Variants in AFF3 observed in about 807,000 individuals in gnomAD.
AFF3 encodes AF4/FMR2 family member 3.
In AFF3, 32 loss-of-function variants were observed where a neutral mutation model predicts 129.7. The ratio of observed to expected loss-of-function variants is 0.25; its 90% CI spans 0.19 to 0.33. The LOEUF (loss-of-function observed/expected upper bound fraction) is 0.33. Ranked by LOEUF, AFF3 falls within the 10% of genes least tolerant of loss-of-function variation. The pLI, the probability that AFF3 is intolerant of heterozygous loss-of-function variation, is 1.00. For synonymous variants in AFF3, 644 were observed against 635.4 expected, an observed-to-expected ratio of 1.01 and a Z score of -0.20; for missense variants, 1,373 against 1,592.0, an observed-to-expected ratio of 0.86 and a Z score of 2.34.
intron 11 of AFF3, among the ~76,000 whole-genome samples, chr2:99,700,282 G>A (rs954683685): frequency 6.6e-6 from 1 of 152,108 alleles, no homozygotes; most frequent in African/African-American, 2.4e-5. Flanking sequence ...CACCATGCCC[G>A]GCTAATTTTT....
At chr2:99,998,291 AG>A (rs1030046038) in intron 7 of AFF3, among the ~76,000 whole-genome samples, 3 of 152,234 alleles carry the variant, frequency 2.0e-5, no homozygotes, top group Non-Finnish European at 4.4e-5. Flanking sequence ...CATCAGCATA[AG>A]GGTCAGAGTT....
At chr2:100,103,640 A>C (rs941129943) in intron 4 of AFF3, among the ~76,000 whole-genome samples, 3 of 151,990 alleles carry the variant, frequency 2.0e-5, no homozygotes, top group African/African-American at 7.2e-5. Context: ...GCAGCTCCCC[A>C]GTGTGAGATC....
chr2:99,727,063 T>C lies in AFF3; in HGVS notation c.1091+14A>G, dbSNP rs769965393. The C allele has an allele frequency of 3.4e-5, 55 of 1,598,922 alleles. No individual in the cohort carries two copies. Among genetic ancestry groups the C allele is most frequent in the Non-Finnish European group, 4.3e-5 (51 of 1,172,578 alleles). On this transcript the variant is annotated intron_variant, in intron 11 of 24. Coordinates refer to ENST00000672756, the MANE Select transcript of AFF3 (RefSeq NM_001386135.1). Reference sequence around the variant, plus strand: ...AAGAACAGGCATCTCTGATAGAAAATGAAAGAAACTTACGATGTATTCGAT... The same window carrying C: ...AAGAACAGGCATCTCTGATAGAAAACGAAAGAAACTTACGATGTATTCGAT...
intron 7 of AFF3, among the ~76,000 whole-genome samples, chr2:99,908,112 T>C (rs1450567062): frequency 6.6e-6 from 1 of 152,244 alleles, no homozygotes; most frequent in Non-Finnish European, 1.5e-5. Flanking sequence ...TCCTGCCTAT[T>C]GGTCTAAACC....
intron 8 of AFF3, among the ~76,000 whole-genome samples, chr2:99,767,078 A>G (rs569804114): frequency 1.8e-4 from 27 of 152,356 alleles, no homozygotes; most frequent in African/African-American, 6.0e-4. Context: ...AATAGAGCCA[A>G]TCAGTTCAGT....
intron 7 of AFF3, among the ~76,000 whole-genome samples, chr2:99,845,491 T>C (rs1558908579): frequency 6.6e-6 from 1 of 152,160 alleles, no homozygotes; most frequent in African/African-American, 2.4e-5. Flanking sequence ...CTAATTGATA[T>C]TGAGTGCTTA....
chr2:99,890,081 G>A (rs1051232029), intron 7 of AFF3, among the ~76,000 whole-genome samples: 2 of 152,176 alleles, frequency 1.3e-5, no homozygotes, highest in African/African-American at 4.8e-5. Context: ...TGGTCTTTTT[G>A]TTCCCACAGT....
intron 4 of AFF3, among the ~76,000 whole-genome samples, chr2:100,014,954 ATTTTTTTT>A (rs562822524): frequency 0.15 from 17,918 of 121,518 alleles, 1,363 homozygotes; most frequent in African/African-American, 0.18. Context: ...CAGCCAGCTA[ATTTTTTTT>A]TTTTTTTTTT....
At chr2:99,616,569 T>A (rs1224023717) in intron 13 of AFF3, among the ~76,000 whole-genome samples, 1 of 151,968 alleles carries the variant, frequency 6.6e-6, no homozygotes, top group Admixed American at 6.6e-5. Flanking sequence ...GCCTGACCAA[T>A]ATGGTGAAAC....
chr2:100,044,132 G>C (rs1032858554), intron 4 of AFF3, among the ~76,000 whole-genome samples: 1 of 152,162 alleles, frequency 6.6e-6, no homozygotes, highest in Non-Finnish European at 1.5e-5. Context: ...GGTGGTGTGC[G>C]GCTGTCTTGA....
chr2:99,715,914 C>T (rs1319977727), intron 11 of AFF3, among the ~76,000 whole-genome samples: 2 of 152,084 alleles, frequency 1.3e-5, no homozygotes, highest in African/African-American at 4.8e-5. Flanking sequence ...CCTCGTGATC[C>T]GCCTGCCTCG....
At chr2:99,690,329 C>T (rs1427470756) in intron 11 of AFF3, among the ~76,000 whole-genome samples, 8 of 150,790 alleles carry the variant, frequency 5.3e-5, no homozygotes, top group Non-Finnish European at 1.2e-4. Context: ...TACAGGCACC[C>T]GCCACCACGC....
intron 7 of AFF3, among the ~76,000 whole-genome samples, chr2:99,884,108 A>G (rs1692927124): frequency 6.6e-6 from 1 of 152,258 alleles, no homozygotes; most frequent in Admixed American, 6.5e-5. Context: ...AGATTGGTCC[A>G]TAAAGTAATT....
chr2:99,625,803 T>C (rs1337308555), intron 13 of AFF3, among the ~76,000 whole-genome samples: 1 of 152,202 alleles, frequency 6.6e-6, no homozygotes, highest in Non-Finnish European at 1.5e-5. Flanking sequence ...ATTTCAAAGT[T>C]GCAAAATTCA....
chr2:99,666,479 G>T (rs1336446957), intron 12 of AFF3, among the ~76,000 whole-genome samples: 1 of 152,032 alleles, frequency 6.6e-6, no homozygotes, highest in African/African-American at 2.4e-5. Context: ...ACACAGAAAG[G>T]CAGGAAAAAG....
chr2:100,064,095 AAAAAGAAAAGAAAAG>A (rs5832894), intron 4 of AFF3, among the ~76,000 whole-genome samples: 29,339 of 146,874 alleles, frequency 0.2, 3,669 homozygotes, highest in Admixed American at 0.33. Flanking sequence ...GTCTCAAAAA[AAAAAGAAAAGAAAAG>A]AAAAGAAAAG....
At chr2:99,576,613 GA>G (rs1677024186) in intron 18 of AFF3, among the ~76,000 whole-genome samples, 1 of 151,856 alleles carries the variant, frequency 6.6e-6, no homozygotes, top group Non-Finnish European at 1.5e-5. Context: ...TCATACACTG[GA>G]AAATTCCTTG....
At chr2:99,618,512 A>G (rs761908293) in intron 13 of AFF3, among the ~76,000 whole-genome samples, 1 of 152,112 alleles carries the variant, frequency 6.6e-6, no homozygotes, top group Non-Finnish European at 1.5e-5. Flanking sequence ...CTGGGATCAC[A>G]GGTGTGAGCC....
At chr2:99,667,154 C>T (rs981114798) in intron 12 of AFF3, among the ~76,000 whole-genome samples, 1 of 152,104 alleles carries the variant, frequency 6.6e-6, no homozygotes. Flanking sequence ...AAATCCTCAA[C>T]AAATGTATAA....
Sources: gnomAD v4.1 joint callset for allele counts (sites outside exome capture counted in the v4.1 genomes callset) on GRCh38, gnomAD v4.1.1 for gene constraint, MANE v1.5 for transcripts, NCBI Gene and HGNC (gene_info 2026-07-23, HGNC 2026-07-21) for gene names.